The following SGPL1 variants were observed in gnomAD, a reference collection of about 807,000 sequenced individuals.
SGPL1 encodes the protein SP-lyase 1.
SGPL1 carries 37 observed loss-of-function variants against 68.9 expected under a neutral mutation model. The ratio of observed to expected loss-of-function variants is 0.54; its 90% CI spans 0.41 to 0.71. SGPL1 has a LOEUF of 0.71. SGPL1 is among the 30% of genes least tolerant of loss of function. The probability of loss-of-function intolerance (pLI) is 0.00; values close to 1 mark genes in which losing one functional copy is unlikely to be tolerated. For synonymous variants in SGPL1, 236 were observed against 248.5 expected (o/e 0.95, Z 0.47); for missense variants, 551 against 704.6 (o/e 0.78, Z 2.47).
chr10:70,851,720 C>CTA (rs1845885389), intron 4 of SGPL1, among the ~76,000 whole-genome samples: 1 of 152,104 alleles, frequency 6.6e-6, no homozygotes, highest in Non-Finnish European at 1.5e-5. Context: ...CTATAAAGGG[C>CTA]TAGATATGAA....
chr10:70,855,699 A>G (rs1278644380), intron 5 of SGPL1, among the ~76,000 whole-genome samples: 2 of 152,228 alleles, frequency 1.3e-5, no homozygotes, highest in Non-Finnish European at 2.9e-5. Context: ...GATTAAGATC[A>G]TATTACAAGT....
intron 14 of SGPL1, 117 bp from the exon 15 acceptor site, chr10:70,877,078 G>C (rs924028870): frequency 2.7e-5 from 26 of 955,818 alleles, no homozygotes; most frequent in Non-Finnish European, 3.9e-5. Flanking sequence ...GGTGGAAATG[G>C]GGTAGGGCAG....
At chr10:70,873,699 T>C (rs1589477137) in intron 12 of SGPL1, 110 bp downstream of exon 12, 2 of 826,436 alleles carry the variant, frequency 2.4e-6, no homozygotes, top group East Asian at 2.4e-5. Context: ...TGTTGTCTCC[T>C]GCGATATAGA....
chr10:70,822,152 G>C (rs1476598262), intron 2 of SGPL1, among the ~76,000 whole-genome samples: 1 of 152,168 alleles, frequency 6.6e-6, no homozygotes, highest in African/African-American at 2.4e-5. Flanking sequence ...TCTATTATTT[G>C]AGCCTTGTGT....
At chr10:70,828,334 T>G (rs778873632) in intron 2 of SGPL1, among the ~76,000 whole-genome samples, 1 of 152,200 alleles carries the variant, frequency 6.6e-6, no homozygotes, top group Admixed American at 6.5e-5. Context: ...ATTTTTATTT[T>G]TTTCGGAGAC....
chr10:70,828,661 GA>G (rs1261328209), intron 2 of SGPL1, among the ~76,000 whole-genome samples: 1 of 152,198 alleles, frequency 6.6e-6, no homozygotes, highest in Non-Finnish European at 1.5e-5. Context: ...GTTAAGGGCA[GA>G]ATTTAAAATA....
chr10:70,822,129 T>C (rs1347302942), intron 2 of SGPL1, among the ~76,000 whole-genome samples: 1 of 152,228 alleles, frequency 6.6e-6, no homozygotes, highest in Non-Finnish European at 1.5e-5. Flanking sequence ...AAGATTGACC[T>C]TAGGAGCTCT....
chr10:70,854,214 A>C (rs1045195487), intron 4 of SGPL1, among the ~76,000 whole-genome samples: 1 of 147,616 alleles, frequency 6.8e-6, no homozygotes, highest in Non-Finnish European at 1.5e-5. Context: ...TCTGTTGCCC[A>C]GGCTGAATGG....
chr10:70,838,792 T>C (rs765211422), intron 2 of SGPL1, among the ~76,000 whole-genome samples: 1 of 152,188 alleles, frequency 6.6e-6, no homozygotes, highest in East Asian at 1.9e-4. Flanking sequence ...AGTAATAAGG[T>C]GCTAAGTATT....
intron 4 of SGPL1, 35 bp from the exon 5 acceptor site, chr10:70,854,673 G>C: frequency 6.3e-7 from 1 of 1,586,652 alleles, no homozygotes; most frequent in Non-Finnish European, 8.6e-7. Flanking sequence ...CTGTACTCTT[G>C]CATCTGGATA....
At chr10:70,874,555 C>A (rs827248) in intron 12 of SGPL1, among the ~76,000 whole-genome samples, 1 of 152,098 alleles carries the variant, frequency 6.6e-6, no homozygotes, top group African/African-American at 2.4e-5. Context: ...AGAACCCCGT[C>A]TCTACTAAAA....
At chr10:70,821,508 T>C (rs540311936) in intron 2 of SGPL1, among the ~76,000 whole-genome samples, 51 of 152,188 alleles carry the variant, frequency 3.4e-4, no homozygotes, top group Non-Finnish European at 6.8e-4. Context: ...TAATTGCTTA[T>C]CTAGGGCAGT....
chr10:70,851,307 A>G, intron 4 of SGPL1, 97 bp downstream of exon 4: 1 of 1,076,378 alleles, frequency 9.3e-7, no homozygotes, highest in African/African-American at 1.6e-5. Context: ...TGGAGGGGTG[A>G]TTTTGTCTCT....
rs140058327 is a variant in SGPL1 at position 70,847,743 on chromosome 10, C to T, written c.193+3105C>T. Among the ~76,000 whole-genome samples the T allele has an allele frequency of 2.1e-3, 318 of 152,304 alleles. 1 individual carries two copies. Among genetic ancestry groups the T allele is most frequent in the Non-Finnish European group, 3.8e-3 (256 of 68,024 alleles). ...TTAGACACAGATAAGAATGTCTTCC[C>T]TCCAGAGATCAGGGATAATTTTGAT... On this transcript the variant is annotated intron_variant, in intron 3 of 14. Coordinates refer to ENST00000373202, the MANE Select transcript of SGPL1 (RefSeq NM_003901.4).
intron 5 of SGPL1, among the ~76,000 whole-genome samples, chr10:70,856,741 T>G (rs1188585024): frequency 6.6e-6 from 1 of 152,230 alleles, no homozygotes; most frequent in East Asian, 1.9e-4. Flanking sequence ...GGAGAGCCCT[T>G]GGCTCCATGC....
intron 3 of SGPL1, among the ~76,000 whole-genome samples, chr10:70,848,018 CTG>C (rs1845817644): frequency 6.6e-6 from 1 of 152,208 alleles, no homozygotes; most frequent in African/African-American, 2.4e-5. Flanking sequence ...AATTCTGCCT[CTG>C]TGATTATCAG....
At position 70,873,547 on chromosome 10, in the gene SGPL1, C is replaced by T. The variant is rs772463029; in HGVS notation, c.1256C>T (p.Ala419Val). The stretch of plus-strand genomic sequence containing the variant: ...TTCGGTGAGAACGGCTATGTTGAAG[C>T]TACCAAACAGATCATCAAAACTGCT... The part of the protein sequence containing the change: ...MHFGENGYVE[A>V]TKQIIKTARF... Residue 419 changes from alanine to valine, a missense_variant, in exon 12 of 15, where the codon GCT becomes GTT. Transcript: ENST00000373202. 1.2e-6 allele frequency: 2 copies of T among 1,614,188 alleles called. No individual in the cohort carries two copies. Among genetic ancestry groups the T allele is most frequent in the Non-Finnish European group, 1.7e-6 (2 of 1,179,960 alleles).
At chr10:70,870,352 A>T (rs936650841) in intron 9 of SGPL1, among the ~76,000 whole-genome samples, 16 of 152,082 alleles carry the variant, frequency 1.1e-4, no homozygotes, top group African/African-American at 2.2e-4. Flanking sequence ...CACAAAATTT[A>T]AAAAAGTAGC....
intron 2 of SGPL1, among the ~76,000 whole-genome samples, chr10:70,834,457 T>A (rs1159063916): frequency 6.6e-6 from 1 of 152,222 alleles, no homozygotes; most frequent in Non-Finnish European, 1.5e-5. Flanking sequence ...CTATAGGTGG[T>A]CTCTAAGGTT....
Sources: gnomAD v4.1 joint callset for allele counts (sites outside exome capture counted in the v4.1 genomes callset) on GRCh38, gnomAD v4.1.1 for gene constraint, MANE v1.5 for transcripts, NCBI Gene and HGNC (gene_info 2026-07-23, HGNC 2026-07-21) for gene names.